The following RIPOR2 variants were observed in gnomAD, a reference collection of about 807,000 sequenced individuals.
The protein encoded by RIPOR2 is RHO family interacting cell polarization regulator 2, also known as rho family-interacting cell polarization regulator 2.
In RIPOR2, 39 loss-of-function variants were observed where a neutral mutation model predicts 114.5. The observed-to-expected ratio is 0.34, with a 90% confidence interval of 0.26 to 0.44. The LOEUF is 0.44. Ranked by LOEUF, RIPOR2 falls within the 20% of genes least tolerant of loss-of-function variation. RIPOR2 has a pLI of 1.00. For synonymous variants in RIPOR2, 445 were observed against 484.4 expected (o/e 0.92, Z 1.07); for missense variants, 1,007 against 1,255.1 (o/e 0.80, Z 2.99).
At chr6:24,930,928 T>C (rs1191397144) in intron 1 of RIPOR2, among the ~76,000 whole-genome samples, 1 of 152,228 alleles carries the variant, frequency 6.6e-6, no homozygotes, top group Non-Finnish European at 1.5e-5. Context: ...AATGCTTGTA[T>C]TTATTTATGT....
At chr6:24,843,836 T>C (rs1003812105) in intron 12 of RIPOR2, among the ~76,000 whole-genome samples, 11 of 151,828 alleles carry the variant, frequency 7.2e-5, no homozygotes, top group South Asian at 4.2e-4. Flanking sequence ...TTGACATTTT[T>C]CAAAAGAAAA....
rs1368162572 is a variant in RIPOR2 at position 24,841,103 on chromosome 6, A to T, written c.1857+1759T>A. 3.9e-5 allele frequency among the ~76,000 whole-genome samples: 6 copies of T among 152,184 alleles called. No individual in the cohort carries two copies. In the East Asian group the frequency reaches 1.2e-3, roughly 29 times the overall value. On this transcript the variant is annotated intron_variant, in intron 13 of 21. Transcript: ENST00000643898. ...ATAATACTCTGGAAAGAAGTCTCTGATCACCAGTTTTTAATAATGCTTAGT... is the reference window on the plus strand; with the variant it reads ...ATAATACTCTGGAAAGAAGTCTCTGTTCACCAGTTTTTAATAATGCTTAGT...
At chr6:24,932,381 GAGAC>G (rs1445798151) in intron 1 of RIPOR2, among the ~76,000 whole-genome samples, 1 of 152,016 alleles carries the variant, frequency 6.6e-6, no homozygotes, top group Admixed American at 6.6e-5. Context: ...AACAGATGGA[GAGAC>G]AGAGAGAGAA....
intron 10 of RIPOR2, among the ~76,000 whole-genome samples, chr6:24,850,381 C>T (rs1762766503): frequency 6.6e-6 from 1 of 152,168 alleles, no homozygotes; most frequent in Non-Finnish European, 1.5e-5. Flanking sequence ...AGGCGTGAGC[C>T]ACTACACTAC....
At chr6:25,026,368 TAA>T (rs1776623733) in intron 1 of RIPOR2, among the ~76,000 whole-genome samples, 2 of 152,200 alleles carry the variant, frequency 1.3e-5, no homozygotes, top group Admixed American at 1.3e-4. Flanking sequence ...GGATTTATGA[TAA>T]GTCACATAGA....
At chr6:24,945,032 G>C (rs1259628102) in intron 1 of RIPOR2, among the ~76,000 whole-genome samples, 1 of 151,974 alleles carries the variant, frequency 6.6e-6, no homozygotes, top group African/African-American at 2.4e-5. Flanking sequence ...CCGCCACAAA[G>C]AAAAGATATA....
chr6:24,807,782 T>C (rs1211481844), intron 21 of RIPOR2, among the ~76,000 whole-genome samples: 1 of 152,142 alleles, frequency 6.6e-6, no homozygotes, highest in African/African-American at 2.4e-5. Flanking sequence ...TCCATACTAG[T>C]TGGTAAATAG....
At chr6:25,034,821 C>A (rs1363164713) in intron 1 of RIPOR2, among the ~76,000 whole-genome samples, 2 of 152,204 alleles carry the variant, frequency 1.3e-5, no homozygotes, top group African/African-American at 4.8e-5. Flanking sequence ...CATGTACATA[C>A]AAAGAGAGCA....
intron 8 of RIPOR2, among the ~76,000 whole-genome samples, chr6:24,856,647 C>G (rs1236099259): frequency 6.6e-6 from 1 of 152,110 alleles, no homozygotes; most frequent in African/African-American, 2.4e-5. Context: ...CCCAGCTACT[C>G]CGGAGGCTGA....
At chr6:24,916,618 C>T (rs1345922070) in intron 1 of RIPOR2, among the ~76,000 whole-genome samples, 1 of 152,200 alleles carries the variant, frequency 6.6e-6, no homozygotes, top group African/African-American at 2.4e-5. Flanking sequence ...AAGCATATTT[C>T]AACCCGACAA....
intron 1 of RIPOR2, among the ~76,000 whole-genome samples, chr6:24,941,814 A>G (rs13202601): frequency 0.031 from 4,688 of 152,246 alleles, 87 homozygotes; most frequent in East Asian, 0.11. Flanking sequence ...ATCACTGTAC[A>G]GTCTGCCCCT....
chr6:25,033,850 A>T (rs1172679836), intron 1 of RIPOR2, among the ~76,000 whole-genome samples: 1 of 152,082 alleles, frequency 6.6e-6, no homozygotes, highest in Admixed American at 6.5e-5. Context: ...AGATTTTTTT[A>T]TTATTTTATT....
chr6:24,840,794 GA>G, intron 13 of RIPOR2: 1 of 1,534,806 alleles, frequency 6.5e-7, no homozygotes, highest in Non-Finnish European at 8.7e-7. Context: ...GTGAAGGAGG[GA>G]GAAAAGAGAA....
intron 1 of RIPOR2, among the ~76,000 whole-genome samples, chr6:24,924,686 A>G (rs1165091968): frequency 6.6e-6 from 1 of 152,146 alleles, no homozygotes; most frequent in Non-Finnish European, 1.5e-5. Flanking sequence ...CCCTTCCTAC[A>G]TGGGGCTTTA....
chr6:25,030,639 TA>T, intron 1 of RIPOR2, among the ~76,000 whole-genome samples: 1 of 152,352 alleles, frequency 6.6e-6, no homozygotes, highest in East Asian at 1.9e-4. Flanking sequence ...TGATTCTGTT[TA>T]TGAGATATTC....
At chr6:25,020,227 G>A (rs1409339209) in intron 1 of RIPOR2, among the ~76,000 whole-genome samples, 1 of 152,142 alleles carries the variant, frequency 6.6e-6, no homozygotes, top group Non-Finnish European at 1.5e-5. Context: ...TAATAAACAA[G>A]TAGAATGTCT....
intron 14 of RIPOR2, among the ~76,000 whole-genome samples, chr6:24,837,446 C>T (rs571910867): frequency 2.6e-5 from 4 of 151,738 alleles, no homozygotes; most frequent in South Asian, 2.1e-4. Flanking sequence ...GAGAAGGTCT[C>T]GCTCTGTTGC....
At chr6:24,946,666 G>T (rs939401154) in intron 1 of RIPOR2, among the ~76,000 whole-genome samples, 2 of 152,190 alleles carry the variant, frequency 1.3e-5, no homozygotes, top group African/African-American at 4.8e-5. Context: ...GTAGGGCAGG[G>T]ACTGGGATCA....
chr6:24,828,429 C>A (rs1297714306), intron 17 of RIPOR2, 134 bp from the exon 18 acceptor site: 1 of 726,984 alleles, frequency 1.4e-6, no homozygotes, highest in African/African-American at 1.9e-5. Flanking sequence ...GTCTCAAACT[C>A]CTGGGCTCAA....
Sources: gnomAD v4.1 joint callset for allele counts (sites outside exome capture counted in the v4.1 genomes callset) on GRCh38, gnomAD v4.1.1 for gene constraint, MANE v1.5 for transcripts, NCBI Gene and HGNC (gene_info 2026-07-23, HGNC 2026-07-21) for gene names.